Variants in LRRC4C observed in about 807,000 individuals in gnomAD.
LRRC4C encodes leucine rich repeat containing 4C.
LRRC4C carries 5 observed loss-of-function variants against 33.6 expected under a neutral mutation model. The observed-to-expected ratio is 0.15, with a 90% confidence interval of 0.08 to 0.31. The LOEUF (loss-of-function observed/expected upper bound fraction) is 0.31, where lower values mean the gene tolerates loss of function less well. Ranked by LOEUF, LRRC4C falls within the 10% of genes least tolerant of loss-of-function variation. The probability of loss-of-function intolerance (pLI) is 1.00; values close to 1 mark genes in which losing one functional copy is unlikely to be tolerated. For synonymous variants in LRRC4C, 329 were observed against 302.0 expected, an observed-to-expected ratio of 1.09 and a Z score of -0.93; for missense variants, 560 against 796.7, an observed-to-expected ratio of 0.70 and a Z score of 3.58.
At chr11:40,533,932 A>G (rs1956370628) in intron 3 of LRRC4C, among the ~76,000 whole-genome samples, 1 of 152,170 alleles carries the variant, frequency 6.6e-6, no homozygotes, top group Admixed American at 6.6e-5. Context: ...TATTATGAGC[A>G]TCAAGTAAGT....
intron 2 of LRRC4C, among the ~76,000 whole-genome samples, chr11:40,848,394 T>C (rs1238562086): frequency 1.3e-5 from 2 of 152,216 alleles, no homozygotes; most frequent in Non-Finnish European, 2.9e-5. Flanking sequence ...TCGGTCTTCC[T>C]TTCATTATTT....
At chr11:40,817,105 C>G (rs961478946) in intron 2 of LRRC4C, among the ~76,000 whole-genome samples, 1 of 152,086 alleles carries the variant, frequency 6.6e-6, no homozygotes, top group Admixed American at 6.6e-5. Context: ...AAATAAGGAT[C>G]GAAAGCTAGA....
At chr11:40,949,491 A>T (rs1245511431) in intron 1 of LRRC4C, among the ~76,000 whole-genome samples, 1 of 152,124 alleles carries the variant, frequency 6.6e-6, no homozygotes, top group Non-Finnish European at 1.5e-5. Flanking sequence ...CCACAAAGGG[A>T]AGCCCATCAG....
rs1192853274 is a variant in LRRC4C, at chr11:40,115,870, A to G, written c.423T>C (p.Asn141=). 3.1e-6 allele frequency: 5 copies of G among 1,613,994 alleles called. No homozygotes were observed. The highest frequency in any genetic ancestry group is 4.2e-6 in the Non-Finnish European group (5 of 1,179,998). ...LFDNRLTTIP[N]GAFVYLSKLK... Reference sequence around the variant, plus strand: ...GTTTAGACAAGTATACAAAAGCTCCATTCGGGATGGTAGTAAGACGATTGT... The same window carrying G: ...GTTTAGACAAGTATACAAAAGCTCCGTTCGGGATGGTAGTAAGACGATTGT... The change falls in exon 7 of 7, where the codon AAT becomes AAC. Residue 141 remains asparagine, a synonymous_variant. Coordinates refer to ENST00000528697, the MANE Select transcript of LRRC4C (RefSeq NM_001258419.2). This position sits in a 1 kb window ranked among gnomAD's most constrained non-coding sequence, Gnocchi z 6.7.
intron 4 of LRRC4C, among the ~76,000 whole-genome samples, chr11:40,312,143 A>C (rs1344009099): frequency 6.6e-6 from 1 of 151,854 alleles, no homozygotes; most frequent in Non-Finnish European, 1.5e-5. Context: ...GTTGATACAT[A>C]AAAAAAAGTT....
At chr11:41,437,023 C>G (rs1185316927) in intron 1 of LRRC4C, among the ~76,000 whole-genome samples, 5 of 152,122 alleles carry the variant, frequency 3.3e-5, no homozygotes, top group Non-Finnish European at 5.9e-5. Context: ...TATCTCCATT[C>G]TGCCCTAAAA....
At chr11:40,611,447 T>C (rs1961207330) in intron 3 of LRRC4C, among the ~76,000 whole-genome samples, 1 of 151,954 alleles carries the variant, frequency 6.6e-6, no homozygotes. Flanking sequence ...CTTCTTAGCA[T>C]TGGCTTTGAC....
chr11:41,397,693 T>A (rs1953873170), intron 1 of LRRC4C, among the ~76,000 whole-genome samples: 1 of 149,208 alleles, frequency 6.7e-6, no homozygotes, highest in African/African-American at 2.4e-5. Context: ...AAAAAAAAGA[T>A]ATTTATCTAA....
chr11:40,883,344 G>C (rs969979845), intron 2 of LRRC4C, among the ~76,000 whole-genome samples: 1 of 151,954 alleles, frequency 6.6e-6, no homozygotes, highest in African/African-American at 2.4e-5. Flanking sequence ...GGAAAACATG[G>C]CTTCAGTGAC....
intron 1 of LRRC4C, among the ~76,000 whole-genome samples, chr11:41,291,335 C>A (rs1280314544): frequency 6.6e-6 from 1 of 152,100 alleles, no homozygotes; most frequent in East Asian, 1.9e-4. Context: ...ACTCAGCAAA[C>A]ACACTACAAA....
At chr11:40,996,746 A>T (rs535675252) in intron 1 of LRRC4C, among the ~76,000 whole-genome samples, 7 of 152,268 alleles carry the variant, frequency 4.6e-5, no homozygotes, top group African/African-American at 1.7e-4. Flanking sequence ...CAAAGGGGGA[A>T]CAGGAGTGTC....
chr11:40,216,701 G>C (rs531164426), intron 5 of LRRC4C, among the ~76,000 whole-genome samples: 2 of 152,088 alleles, frequency 1.3e-5, no homozygotes, highest in Non-Finnish European at 2.9e-5. Context: ...AATTTCCCCA[G>C]TTATGAAACA....
chr11:40,474,248 A>C (rs1953093508), intron 3 of LRRC4C, among the ~76,000 whole-genome samples: 1 of 152,198 alleles, frequency 6.6e-6, no homozygotes, highest in Admixed American at 6.5e-5. Flanking sequence ...AGACCAACGG[A>C]ACAGAACAGA....
intron 1 of LRRC4C, among the ~76,000 whole-genome samples, chr11:41,308,550 A>C (rs944166013): frequency 6.6e-6 from 1 of 152,164 alleles, no homozygotes; most frequent in African/African-American, 2.4e-5. Flanking sequence ...CATTCTAAAG[A>C]AAGCCAAATC....
intron 3 of LRRC4C, among the ~76,000 whole-genome samples, chr11:40,426,148 G>A (rs1175637669): frequency 6.6e-6 from 1 of 151,610 alleles, no homozygotes; most frequent in African/African-American, 2.4e-5. Flanking sequence ...TGAGTAGCTG[G>A]GACCACAGTT....
intron 2 of LRRC4C, among the ~76,000 whole-genome samples, chr11:40,702,090 C>T (rs906794492): frequency 8.6e-5 from 13 of 151,956 alleles, no homozygotes; most frequent in African/African-American, 2.2e-4. Context: ...ACAAAACAGA[C>T]GTTACTATTA....
At chr11:41,163,170 C>T (rs1944549052) in intron 1 of LRRC4C, among the ~76,000 whole-genome samples, 2 of 151,992 alleles carry the variant, frequency 1.3e-5, no homozygotes, top group African/African-American at 4.8e-5. Context: ...GTCTCCCCAG[C>T]CTCAGAATTT....
At chr11:41,138,492 T>C (rs544252662) in intron 1 of LRRC4C, among the ~76,000 whole-genome samples, 2 of 152,134 alleles carry the variant, frequency 1.3e-5, no homozygotes, top group Non-Finnish European at 2.9e-5. Flanking sequence ...TGAACTCATA[T>C]CATAAAAGAA....
chr11:40,755,998 A>T (rs1948928844), intron 2 of LRRC4C, among the ~76,000 whole-genome samples: 1 of 151,992 alleles, frequency 6.6e-6, no homozygotes, highest in South Asian at 2.1e-4. Flanking sequence ...TTTCAATCTG[A>T]CTGGCTTCCT....
Sources: gnomAD v4.1 joint callset for allele counts (sites outside exome capture counted in the v4.1 genomes callset) on GRCh38, gnomAD v4.1.1 for gene constraint, Gnocchi (gnomAD v3.1) non-coding constraint, MANE v1.5 for transcripts, NCBI Gene and HGNC (gene_info 2026-07-23, HGNC 2026-07-21) for gene names.